The following PNPLA2 variants were observed in gnomAD, a reference collection of about 807,000 sequenced individuals.
PNPLA2 encodes patatin like domain 2, triacylglycerol lipase.
A neutral mutation model predicts 39.7 loss-of-function variants in PNPLA2; 28 were observed. The observed-to-expected ratio is 0.70, with a 90% CI of 0.52 to 0.97. The LOEUF is 0.97. PNPLA2 is among the 50% of genes least tolerant of loss of function. The probability of loss-of-function intolerance (pLI) is 0.00; values close to 1 mark genes in which losing one functional copy is unlikely to be tolerated. For synonymous variants in PNPLA2, 392 were observed against 321.1 expected, an observed-to-expected ratio of 1.22 and a Z score of -2.36; for missense variants, 768 against 698.2, an observed-to-expected ratio of 1.10 and a Z score of -1.13.
At chr11:822,807 C>G (rs2041640511) in intron 5 of PNPLA2, among the ~76,000 whole-genome samples, 1 of 147,958 alleles carries the variant, frequency 6.8e-6, no homozygotes, top group African/African-American at 2.5e-5. Context: ...GGCTCCCTGT[C>G]CAGTCTCTCT....
intron 1 of PNPLA2, chr11:819,367 G>A (rs926248853): frequency 2.1e-6 from 2 of 970,848 alleles, no homozygotes; most frequent in South Asian, 9.5e-5. Context: ...GCCCCCAGCC[G>A]TGCCCAGCAG....
chr11:818,966 G>A lies in PNPLA2; in HGVS notation c.-146+8G>A, dbSNP rs1251099878. On this transcript the variant is annotated splice_region_variant and intron_variant, in intron 1 of 9. Coordinates refer to ENST00000336615, the MANE Select transcript of PNPLA2 (RefSeq NM_020376.4). Reference sequence around the variant, plus strand: ...AGGCAGGGCCAGACCCAGGTAAGAAGCCAAGGTCCGGAAGGGTCGCGGGCG... The same window carrying A: ...AGGCAGGGCCAGACCCAGGTAAGAAACCAAGGTCCGGAAGGGTCGCGGGCG... The A allele has an allele frequency of 1.3e-5, 2 of 152,588 alleles. No individual in the cohort carries two copies. The highest frequency in any genetic ancestry group is 4.8e-5 in the African/African-American group (2 of 41,480). The allele number at this position is 152,588 out of a possible 1,614,324, so 9.5% of individuals were successfully genotyped here. A position where few individuals can be genotyped will look rare whatever the true frequency, so the allele number is the denominator to read the frequency against.
rs1431955603 is a variant in PNPLA2 at position 824,835 on chromosome 11, G to A, written c.1488G>A (p.Arg496=). Residue 496 remains arginine, a synonymous_variant, in exon 10 of 10, where the codon CGG becomes CGA. Coordinates refer to ENST00000336615, the MANE Select transcript of PNPLA2 (RefSeq NM_020376.4). ...PLLSTPAPEA[R]PVIGALGL is the part of the protein sequence containing the mutation. ...TGAGCACCCCTGCTCCCGAGGCCCG[G>A]CCCGTGATCGGGGCCCTGGGGCTGT... 2 of 1,534,482 alleles carry A rather than the reference G, an allele frequency of 1.3e-6. No homozygotes were observed. The highest frequency in any genetic ancestry group is 2.4e-5 in the East Asian group (1 of 40,882).
At chr11:821,885 G>T (rs775434302) in intron 3 of PNPLA2, 25 bp downstream of exon 3, 16 of 1,611,416 alleles carry the variant, frequency 9.9e-6, no homozygotes, top group Non-Finnish European at 1.4e-5. Context: ...AGCCATGCTG[G>T]GTGGCGGTGG....
intron 7 of PNPLA2, 53 bp downstream of exon 7, chr11:823,908 A>G: frequency 6.4e-7 from 1 of 1,551,336 alleles, no homozygotes; most frequent in African/African-American, 1.4e-5. Flanking sequence ...GGAAAGAGAG[A>G]GAGGAGAGGA....
chr11:823,855 G>GGTGC lies in PNPLA2; in HGVS notation c.919+2_919+5dup. ...GCACCTGCCCGCCCGGCTCAATGAG[G>GGTGC]GTGCGCACCTGGGGGACGGGAGGGG... On this transcript the variant is annotated frameshift_variant and splice_region_variant. Transcript: ENST00000336615. LOFTEE classifies it high-confidence loss of function. 1 of 1,584,084 alleles carries GGTGC rather than the reference G, an allele frequency of 6.3e-7. No homozygotes were observed. Among genetic ancestry groups the GGTGC allele is most frequent in the Non-Finnish European group, 8.6e-7 (1 of 1,166,386 alleles).
In PNPLA2 at chr11:822,448, A is replaced by G; in HGVS notation, c.538A>G (p.Asn180Asp). ...SDNLPLYELK[N>D]TITVSPFSGE... ...CAACCTGCCACTCTATGAGCTTAAG[A>G]ACACCATCACAGTGTCCCCCTTCTC... Residue 180 changes from asparagine to aspartate, a missense_variant, in exon 5 of 10, where the codon AAC becomes GAC. By Grantham distance (23) the Asn-to-Asp change is conservative (BLOSUM62 1). Transcript: ENST00000336615. 1.2e-6 allele frequency: 2 copies of G among 1,614,100 alleles called. No homozygotes were observed. Among genetic ancestry groups the G allele is most frequent in the Non-Finnish European group, 1.7e-6 (2 of 1,180,010 alleles).
chr11:823,882 G>C, intron 7 of PNPLA2, 27 bp downstream of exon 7: 1 of 1,565,410 alleles, frequency 6.4e-7, no homozygotes, highest in Non-Finnish European at 8.6e-7. Flanking sequence ...CGGGAGGGGA[G>C]GAGGGGAGGC....
In PNPLA2 at chr11:819,650, A is replaced by C. The variant is rs1326376300; in HGVS notation, c.-69A>C. 2.9e-6 allele frequency: 4 copies of C among 1,400,134 alleles called. No individual in the cohort carries two copies. The Admixed American group carries it at 1.1e-4, about 40-fold the overall frequency. The allele number at this position is 1,400,134 out of a possible 1,614,324, so 86.7% of individuals were successfully genotyped here. A position where few individuals can be genotyped will look rare whatever the true frequency, so the allele number is the denominator to read the frequency against. ...GCCCGGCCCCCGGCTCCAGCGAGCG[A>C]GCGGCGAGCAGGCGGCTCACAGAGG... On this transcript the variant is annotated 5_prime_UTR_variant, in exon 2 of 10. Transcript: ENST00000336615.
Position 823,823 on chromosome 11 carries a change from T to A in PNPLA2, c.887T>A (p.Ile296Asn). 1.3e-6 allele frequency: 2 copies of A among 1,577,374 alleles called. No homozygotes were observed. The highest frequency in any genetic ancestry group is 1.7e-6 in the Non-Finnish European group (2 of 1,160,892). Reference sequence around the variant, plus strand: ...TCGCAGCTGCCCGGAGAAGATCACATCCTGGAGCACCTGCCCGCCCGGCTC... The same window carrying A: ...TCGCAGCTGCCCGGAGAAGATCACAACCTGGAGCACCTGCCCGCCCGGCTC... ...DYSQLPGEDHILEHLPARLNE... is the reference protein window; with the variant it reads ...DYSQLPGEDHNLEHLPARLNE... The change falls in exon 7 of 10, where the codon ATC becomes AAC. Residue 296 changes from isoleucine (I) to asparagine (N), a missense_variant. Transcript: ENST00000336615.
chr11:824,351 C>G lies in PNPLA2; in HGVS notation c.1090C>G (p.Arg364Gly), dbSNP rs577421006. 1 of 1,551,340 alleles carries G rather than the reference C, an allele frequency of 6.4e-7. No homozygotes were observed. Among genetic ancestry groups the G allele is most frequent in the Admixed American group, 2.0e-5 (1 of 51,098 alleles). Reference sequence around the variant, plus strand: ...GCTGCCCGACGTTCCCGAGGACATCCGGTGGATGAAGGAGCAGACGGGCAG... The same window carrying G: ...GCTGCCCGACGTTCCCGAGGACATCGGGTGGATGAAGGAGCAGACGGGCAG... ...EWLPDVPEDI[R>G]WMKEQTGSIC... The change falls in exon 9 of 10, where the codon CGG becomes GGG. Residue 364 changes from arginine to glycine, a missense_variant. Transcript: ENST00000336615.
chr11:824,243 C>A, intron 8 of PNPLA2, 71 bp from the exon 9 acceptor site: 1 of 1,548,294 alleles, frequency 6.5e-7, no homozygotes, highest in Non-Finnish European at 8.7e-7. Flanking sequence ...AGTCAGGGCA[C>A]AGACAGGGCC....
In PNPLA2 at chr11:819,905, G is replaced by A; in HGVS notation, c.187G>A (p.Gly63Ser). 1 of 1,373,898 alleles carries A rather than the reference G, an allele frequency of 7.3e-7. No homozygotes were observed. Among genetic ancestry groups the A allele is most frequent in the Non-Finnish European group, 9.4e-7 (1 of 1,066,556 alleles). 85.1% of individuals were successfully genotyped at this position (1,373,898 alleles called of 1,614,324 possible). ...GGCGCTGGTCACCGGGGTCTGCCTG[G>A]GTGAGCGGGGCCGGGGGCGGCAGGC... is the stretch of plus-strand genomic sequence containing the variant. ...ATALVTGVCLGEAGAKFIEVS... is the reference protein window; with the variant it reads ...ATALVTGVCLSEAGAKFIEVS... Residue 63 changes from glycine (G) to serine (S), a missense_variant and splice_region_variant, in exon 2 of 10, where the codon GGT (glycine) becomes AGT (serine). Gly to Ser is a moderately conservative substitution (Grantham distance 56). Coordinates refer to ENST00000336615, the MANE Select transcript of PNPLA2 (RefSeq NM_020376.4).
chr11:819,382 G>C (rs1232410651), intron 1 of PNPLA2, 192 bp from the exon 2 acceptor site: 2 of 976,966 alleles, frequency 2.0e-6, no homozygotes, highest in Non-Finnish European at 2.4e-6. Context: ...CAGCAGGGGC[G>C]GAGGGAGGGC....
In PNPLA2 at chr11:822,501, C is replaced by T. The variant is rs200897893; in HGVS notation, c.591C>T (p.Asp197=). 43 of 1,614,078 alleles carry T rather than the reference C, an allele frequency of 2.7e-5. No homozygotes were observed. The East Asian group carries it at 8.9e-4, about 33-fold the overall frequency. ...GCGAGAGTGACATCTGTCCGCAGGACAGCTCCACCAACATCCACGAGCTGC... is the reference window on the plus strand; with the variant it reads ...GCGAGAGTGACATCTGTCCGCAGGATAGCTCCACCAACATCCACGAGCTGC... ...FSGESDICPQ[D]SSTNIHELRV... is the part of the protein sequence containing the mutation. Residue 197 remains aspartate (D), a synonymous_variant, in exon 5 of 10, where the codon GAC becomes GAT. Transcript: ENST00000336615.
Position 824,983 on chromosome 11 carries a change from C to T in PNPLA2, c.*121C>T, listed in dbSNP as rs1296880471. The T allele has an allele frequency of 6.5e-6, 5 of 764,874 alleles. No individual in the cohort carries two copies. In the Admixed American group the frequency reaches 9.7e-5, roughly 15 times the overall value. 47.4% of individuals were successfully genotyped at this position (764,874 alleles called of 1,614,324 possible). On this transcript the variant is annotated 3_prime_UTR_variant, in exon 10 of 10. Coordinates refer to ENST00000336615, the MANE Select transcript of PNPLA2 (RefSeq NM_020376.4). Reference sequence around the variant, plus strand: ...CGTGGGCCCCCTCGCCAGCCACTCACCAGCTGCATGCACTGAGAGGGGAGG... The same window carrying T: ...CGTGGGCCCCCTCGCCAGCCACTCATCAGCTGCATGCACTGAGAGGGGAGG...
chr11:819,208 C>T (rs993828214), intron 1 of PNPLA2, among the ~76,000 whole-genome samples: 3 of 152,246 alleles, frequency 2.0e-5, no homozygotes, highest in African/African-American at 4.8e-5. Context: ...CTCCTCTGTC[C>T]CGGGTGGGTG....
rs149864883 is a variant in PNPLA2 at position 822,474 on chromosome 11, G to A, written c.564G>A (p.Ser188=). ...LKNTITVSPF[S]GESDICPQDS... ...ACACCATCACAGTGTCCCCCTTCTC[G>A]GGCGAGAGTGACATCTGTCCGCAGG... Residue 188 remains serine, a synonymous_variant, in exon 5 of 10, where the codon TCG becomes TCA. Transcript: ENST00000336615. 19 of 1,613,952 alleles carry A rather than the reference G, an allele frequency of 1.2e-5. No individual in the cohort carries two copies. The highest frequency in any genetic ancestry group is 5.0e-5 in the Admixed American group (3 of 60,008).
chr11:822,322 GTGGGGTGGC>G, intron 4 of PNPLA2, 66 bp from the exon 5 acceptor site: 1 of 1,341,106 alleles, frequency 7.5e-7, no homozygotes, highest in South Asian at 1.2e-5. Flanking sequence ...TGGTGGCCGG[GTGGGGTGGC>G]TGGGGTGGGT....
Sources: gnomAD v4.1 joint callset for allele counts (sites outside exome capture counted in the v4.1 genomes callset) on GRCh38, gnomAD v4.1.1 for gene constraint, MANE v1.5 for transcripts, NCBI Gene and HGNC (gene_info 2026-07-23, HGNC 2026-07-21) for gene names.